The following RBMS3 variants were observed in gnomAD, a reference collection of about 807,000 sequenced individuals.
RBMS3 encodes the protein RNA binding motif single stranded interacting protein 3.
Under a neutral mutation model 66.8 loss-of-function variants are expected in RBMS3, and 27 were observed. The observed-to-expected ratio is 0.40, with a 90% CI of 0.30 to 0.56. RBMS3 has a LOEUF of 0.56. RBMS3 is among the 20% of genes least tolerant of loss of function. RBMS3 has a pLI of 0.40. For synonymous variants in RBMS3, 188 were observed against 183.0 expected, an observed-to-expected ratio of 1.03 and a Z score of -0.22; for missense variants, 513 against 549.5, an observed-to-expected ratio of 0.93 and a Z score of 0.66.
At position 29,311,929 on chromosome 3, in the gene RBMS3, G is replaced by A. The variant is rs7641440; in HGVS notation, c.75+30173G>A. 5.8e-3 allele frequency among the ~76,000 whole-genome samples: 880 copies of A among 151,940 alleles called. 6 individuals are homozygous for A. The highest frequency in any genetic ancestry group is 0.02 in the African/African-American group (830 of 41,518). ...GGCCTTGGTTTCCTTATTTGGAAAT[G>A]AGAATGCTTGAGTTGGATCAGAGAT... is the stretch of plus-strand genomic sequence containing the variant. On this transcript the variant is annotated intron_variant, in intron 1 of 14. Transcript: ENST00000383767.
At chr3:29,689,072 T>A (rs530162008) in intron 4 of RBMS3, among the ~76,000 whole-genome samples, 1 of 151,990 alleles carries the variant, frequency 6.6e-6, no homozygotes, top group Non-Finnish European at 1.5e-5. Context: ...TCTATTTCTA[T>A]GTACCTATTT....
Position 29,991,500 on chromosome 3 carries a change from G to A in RBMS3, c.1307+291G>A, listed in dbSNP as rs1169397530. ...TGTGATGGAAGTGACTAGGCCATAT[G>A]TTTCTGATCCTCCAGCAGGCTAATT... On this transcript the variant is annotated intron_variant, in intron 14 of 14. Transcript: ENST00000383767. 9.5e-6 allele frequency: 3 copies of A among 316,606 alleles called. No individual in the cohort carries two copies. In the East Asian group the frequency reaches 2.1e-4, roughly 22 times the overall value. The allele number at this position is 316,606 out of a possible 1,614,324, so 19.6% of individuals were successfully genotyped here. A position where few individuals can be genotyped will look rare whatever the true frequency, so the allele number is the denominator to read the frequency against.
At chr3:29,677,371 T>C (rs994643807) in intron 4 of RBMS3, among the ~76,000 whole-genome samples, 1 of 152,218 alleles carries the variant, frequency 6.6e-6, no homozygotes, top group Non-Finnish European at 1.5e-5. Flanking sequence ...TAATAATTTT[T>C]TCTCTGTTCT....
rs139903216 is a variant in RBMS3, at chr3:29,612,925, A to G, written c.399+25720A>G. 7.7e-3 allele frequency among the ~76,000 whole-genome samples: 1,172 copies of G among 152,220 alleles called. 14 individuals are homozygous for G. The highest frequency in any genetic ancestry group is 0.027 in the African/African-American group (1,135 of 41,560). On this transcript the variant is annotated intron_variant, in intron 4 of 14. Coordinates refer to ENST00000383767, the MANE Select transcript of RBMS3 (RefSeq NM_001003793.3). ...ATTGCATAGGTATCATATTAGTCTT[A>G]TAATTATTGTAATTAATTTTTAAGG...
chr3:29,294,553 G>A (rs1475256933), intron 1 of RBMS3, among the ~76,000 whole-genome samples: 1 of 151,814 alleles, frequency 6.6e-6, no homozygotes, highest in East Asian at 1.9e-4. Flanking sequence ...TAAGTAGCTA[G>A]GATTTGGAAC....
intron 6 of RBMS3, among the ~76,000 whole-genome samples, chr3:29,818,683 C>A (rs908642736): frequency 3.9e-5 from 6 of 151,972 alleles, no homozygotes; most frequent in African/African-American, 9.7e-5. Flanking sequence ...ATTAGTCAAC[C>A]AACATACCAT....
chr3:29,606,300 A>G (rs770837787), intron 4 of RBMS3, among the ~76,000 whole-genome samples: 1 of 151,944 alleles, frequency 6.6e-6, no homozygotes, highest in Non-Finnish European at 1.5e-5. Context: ...ATCAAGGTTT[A>G]TGCAAATATT....
intron 6 of RBMS3, among the ~76,000 whole-genome samples, chr3:29,852,759 C>T (rs1300498566): frequency 1.3e-5 from 2 of 152,170 alleles, no homozygotes; most frequent in Non-Finnish European, 2.9e-5. Flanking sequence ...GGCAATTCTT[C>T]AAAGACCTAC....
intron 3 of RBMS3, among the ~76,000 whole-genome samples, chr3:29,525,976 G>A (rs571931229): frequency 6.6e-6 from 1 of 152,290 alleles, no homozygotes; most frequent in South Asian, 2.1e-4. Context: ...TAAGCATGTA[G>A]TGTCGCTGAC....
chr3:29,932,078 T>C (rs1241811628), intron 10 of RBMS3, among the ~76,000 whole-genome samples: 2 of 152,310 alleles, frequency 1.3e-5, no homozygotes, highest in African/African-American at 4.8e-5. Context: ...AATGCAAGGC[T>C]ACTAAGATTC....
At chr3:29,546,920 A>C (rs900721716) in intron 3 of RBMS3, among the ~76,000 whole-genome samples, 1 of 152,164 alleles carries the variant, frequency 6.6e-6, no homozygotes, top group Non-Finnish European at 1.5e-5. Flanking sequence ...GTAACAACAA[A>C]TTATGCTTTA....
chr3:29,658,526 A>C (rs1418295724), intron 4 of RBMS3, among the ~76,000 whole-genome samples: 1 of 152,218 alleles, frequency 6.6e-6, no homozygotes, highest in Non-Finnish European at 1.5e-5. Flanking sequence ...CTCTTTAGCT[A>C]TGAATGTAAT....
intron 9 of RBMS3, among the ~76,000 whole-genome samples, chr3:29,897,953 C>T (rs538094762): frequency 4.5e-4 from 68 of 151,676 alleles, no homozygotes; most frequent in Admixed American, 1.9e-3. Context: ...AAGAAATTAT[C>T]AAAGTGGTAA....
chr3:29,985,730 C>A (rs1255367251), intron 12 of RBMS3, among the ~76,000 whole-genome samples: 1 of 152,156 alleles, frequency 6.6e-6, no homozygotes, highest in Admixed American at 6.5e-5. Flanking sequence ...GTTGGAAATG[C>A]AGAAGTCACC....
chr3:29,856,654 A>T (rs1007779744), intron 6 of RBMS3, among the ~76,000 whole-genome samples: 2 of 152,212 alleles, frequency 1.3e-5, no homozygotes. Flanking sequence ...CTGGACAGCT[A>T]TTCAACCTTC....
intron 12 of RBMS3, among the ~76,000 whole-genome samples, chr3:29,965,692 G>T (rs1696792152): frequency 6.6e-6 from 1 of 152,072 alleles, no homozygotes. Flanking sequence ...TGTTTACTCT[G>T]CTGACTGTTC....
intron 6 of RBMS3, among the ~76,000 whole-genome samples, chr3:29,801,049 G>C (rs1012659801): frequency 1.3e-5 from 2 of 151,744 alleles, no homozygotes; most frequent in Non-Finnish European, 2.9e-5. Flanking sequence ...TGAATAAAGT[G>C]GGTCATAATA....
chr3:29,490,771 T>C (rs2043513087), intron 3 of RBMS3, among the ~76,000 whole-genome samples: 2 of 152,174 alleles, frequency 1.3e-5, no homozygotes, highest in South Asian at 4.1e-4. Context: ...GGCCAAGGGA[T>C]GTTCTGTCAC....
chr3:29,685,785 G>A (rs974286913), intron 4 of RBMS3, among the ~76,000 whole-genome samples: 2 of 152,150 alleles, frequency 1.3e-5, no homozygotes, highest in African/African-American at 2.4e-5. Context: ...CATCACTTTG[G>A]TAAGAACTTC....
Sources: allele counts gnomAD v4.1 joint callset (sites outside exome capture counted in the v4.1 genomes callset), GRCh38; gene constraint gnomAD v4.1.1; transcripts MANE v1.5; gene names NCBI Gene and HGNC (gene_info 2026-07-23, HGNC 2026-07-21).